BTG4: variants seen among roughly 807,000 people sequenced by gnomAD.
BTG4 encodes BTG anti-proliferation factor 4.
A neutral mutation model predicts 19.3 loss-of-function variants in BTG4; 10 were observed. That is an observed-to-expected ratio of 0.52 (90% CI 0.32 to 0.88). The LOEUF is 0.88. Among genes scored for constraint, BTG4 ranks in the 40% least tolerant of loss-of-function variants. The pLI, the probability that BTG4 is intolerant of heterozygous loss-of-function variation, is 0.04. For synonymous variants in BTG4, 91 were observed against 95.7 expected (o/e 0.95, Z 0.29); for missense variants, 238 against 281.9 (o/e 0.84, Z 1.11).
chr11:111,501,098 T>C lies in BTG4; in HGVS notation c.-26-2296A>G, dbSNP rs141751822. On this transcript the variant is annotated intron_variant, in intron 1 of 4. Coordinates refer to ENST00000692032, the MANE Select transcript of BTG4 (RefSeq NM_001367975.1). ...AGCACTTGTTCTTGAGCTGGGCAGATGGCCTCATGCCTGAAATGCAAACAC... is the reference window on the plus strand; with the variant it reads ...AGCACTTGTTCTTGAGCTGGGCAGACGGCCTCATGCCTGAAATGCAAACAC... 2.9e-4 allele frequency among the ~76,000 whole-genome samples: 44 copies of C among 152,040 alleles called. No individual in the cohort carries two copies. In the East Asian group the frequency reaches 7.7e-3, roughly 27 times the overall value.
chr11:111,386,689 AT>A, the BTG4 span, among the ~76,000 whole-genome samples: 1 of 152,226 alleles, frequency 6.6e-6, no homozygotes, highest in Non-Finnish European at 1.5e-5. Context: ...ATGATATCAA[AT>A]TTTAAATATA....
At chr11:111,392,201 G>A in the BTG4 span, among the ~76,000 whole-genome samples, 4 of 92,474 alleles carry the variant, frequency 4.3e-5, no homozygotes, top group Non-Finnish European at 8.1e-5. Flanking sequence ...TTTTTGAGAC[G>A]GAGTCTTGCT....
At chr11:111,460,948 A>G in the BTG4 span, among the ~76,000 whole-genome samples, 1 of 151,358 alleles carries the variant, frequency 6.6e-6, no homozygotes, top group African/African-American at 2.4e-5. Flanking sequence ...CTCCCACCAA[A>G]CCCAGCCACT....
At chr11:111,480,276 A>G (rs1864658004) in intron 5 of BTG4, among the ~76,000 whole-genome samples, 1 of 152,132 alleles carries the variant, frequency 6.6e-6, no homozygotes, top group South Asian at 2.1e-4. Flanking sequence ...GGGTCAATCT[A>G]CCAAGAATAC....
intron 2 of BTG4, among the ~76,000 whole-genome samples, chr11:111,498,368 A>G (rs17112938): frequency 0.013 from 1,928 of 152,318 alleles, 46 homozygotes; most frequent in African/African-American, 0.044. Context: ...CTTTCATGGC[A>G]AAGACAAGTT....
the BTG4 span, among the ~76,000 whole-genome samples, chr11:111,390,936 T>C: frequency 6.6e-6 from 1 of 152,202 alleles, no homozygotes; most frequent in East Asian, 1.9e-4. Flanking sequence ...CCGATGGAGT[T>C]TGGATGGCCC....
At chr11:111,402,219 T>TG in the BTG4 span, among the ~76,000 whole-genome samples, 152,291 of 152,294 alleles carry the variant, frequency 1, 76,144 homozygotes, top group Middle Eastern at 1. Flanking sequence ...GATGTGATTT[T>TG]CTCCTCATTC....
At chr11:111,427,399 G>A in the BTG4 span, among the ~76,000 whole-genome samples, 1 of 152,206 alleles carries the variant, frequency 6.6e-6, no homozygotes, top group Non-Finnish European at 1.5e-5. Context: ...CGAACACCCA[G>A]ACATGGGACC....
intron 5 of BTG4, among the ~76,000 whole-genome samples, chr11:111,485,412 C>T (rs1019740007): frequency 3.9e-5 from 6 of 152,068 alleles, no homozygotes; most frequent in Non-Finnish European, 8.8e-5. Context: ...CTACTTTTTC[C>T]AACCACAGTG....
the BTG4 span, chr11:111,385,445 T>C: frequency 6.6e-6 from 1 of 152,046 alleles, no homozygotes; most frequent in Non-Finnish European, 1.5e-5. Flanking sequence ...ATTCTAAAAC[T>C]AAATAAGGTC....
At chr11:111,463,939 G>A (rs1863567860), downstream of BTG4, among the ~76,000 whole-genome samples, 1 of 152,204 alleles carries the variant, frequency 6.6e-6, no homozygotes, top group Non-Finnish European at 1.5e-5. Context: ...TCACAACATG[G>A]CAGCTGGCTT....
rs182565444 is a variant in BTG4, at chr11:111,510,156, C to A, written c.-27+2025G>T. On this transcript the variant is annotated intron_variant, in intron 1 of 4. Coordinates refer to ENST00000692032, the MANE Select transcript of BTG4 (RefSeq NM_001367975.1). ...CTATCTCTTGACCTCGTGATCCGCC[C>A]GCCTTGACCTCCCAAAGTGCTGGGA... Among the ~76,000 whole-genome samples, 614 of 152,128 alleles carry A rather than the reference C, an allele frequency of 4.0e-3. 1 individual carries two copies. The highest frequency in any genetic ancestry group is 7.0e-3 in the Non-Finnish European group (478 of 67,984).
At chr11:111,411,955 T>C in the BTG4 span, among the ~76,000 whole-genome samples, 1 of 152,120 alleles carries the variant, frequency 6.6e-6, no homozygotes, top group East Asian at 1.9e-4. Flanking sequence ...TCCAGTAAAG[T>C]CCTAGGAGCT....
the BTG4 span, among the ~76,000 whole-genome samples, chr11:111,436,758 G>A: frequency 4.0e-5 from 6 of 151,770 alleles, no homozygotes; most frequent in South Asian, 2.1e-4. Context: ...CCCCTCCCCC[G>A]GCAGGTGCCC....
upstream of BTG4, chr11:111,514,414 G>A (rs1227832432): frequency 3.5e-6 from 1 of 283,894 alleles, no homozygotes; most frequent in East Asian, 9.0e-5. Context: ...TGGTTTGGAA[G>A]TGGGGATTGG....
chr11:111,405,963 TTAA>T, the BTG4 span, among the ~76,000 whole-genome samples: 3 of 152,376 alleles, frequency 2.0e-5, no homozygotes, highest in East Asian at 5.8e-4. Context: ...ACATCCTTAC[TTAA>T]TAATAATTAT....
chr11:111,434,173 G>A, the BTG4 span, among the ~76,000 whole-genome samples: 1 of 152,190 alleles, frequency 6.6e-6, no homozygotes, highest in Admixed American at 6.5e-5. Context: ...ATGATAGACT[G>A]GATAAAGAAA....
chr11:111,389,311 G>C, the BTG4 span, among the ~76,000 whole-genome samples: 1 of 152,194 alleles, frequency 6.6e-6, no homozygotes, highest in African/African-American at 2.4e-5. Flanking sequence ...AGAAAAAAGA[G>C]GAAAGAGTGA....
the BTG4 span, among the ~76,000 whole-genome samples, chr11:111,394,823 T>C: frequency 6.6e-6 from 1 of 152,322 alleles, no homozygotes; most frequent in Admixed American, 6.5e-5. Flanking sequence ...CGACTGCCAC[T>C]TACCAAGATA....
Sources: allele counts gnomAD v4.1 joint callset (sites outside exome capture counted in the v4.1 genomes callset), GRCh38; gene constraint gnomAD v4.1.1; transcripts MANE v1.5; gene names NCBI Gene and HGNC (gene_info 2026-07-23, HGNC 2026-07-21).